PARG: variants seen among roughly 807,000 people sequenced by gnomAD.
The protein encoded by PARG is mitochondrial poly(ADP-ribose) glycohydrolase.
Under a neutral mutation model 113.0 loss-of-function variants are expected in PARG, and 35 were observed. The observed-to-expected ratio is 0.31, with a 90% CI of 0.24 to 0.41. The LOEUF is 0.41. Among genes scored for constraint, PARG ranks in the 10% least tolerant of loss-of-function variants. The probability of loss-of-function intolerance (pLI) is 1.00; values close to 1 mark genes in which losing one functional copy is unlikely to be tolerated. For synonymous variants in PARG, 330 were observed against 409.9 expected, an observed-to-expected ratio of 0.81 and a Z score of 2.36; for missense variants, 797 against 1,169.4, an observed-to-expected ratio of 0.68 and a Z score of 4.64.
intron 7 of PARG, among the ~76,000 whole-genome samples, chr10:49,912,737 C>T (rs1837267932): frequency 6.6e-6 from 1 of 152,058 alleles, no homozygotes. Context: ...GGCTGAGGAG[C>T]GAAGATTGCT....
intron 9 of PARG, among the ~76,000 whole-genome samples, chr10:49,877,064 TAAC>T (rs1285192597): frequency 6.7e-6 from 1 of 149,608 alleles, no homozygotes; most frequent in Admixed American, 6.7e-5. Flanking sequence ...CCATATATAA[TAAC>T]AAATTATCAT....
chr10:49,908,202 C>T (rs1836963757), intron 7 of PARG, among the ~76,000 whole-genome samples: 1 of 152,114 alleles, frequency 6.6e-6, no homozygotes, highest in South Asian at 2.1e-4. Flanking sequence ...AGCAAAGTGC[C>T]TAGTTCCAAT....
intron 6 of PARG, 83 bp from the exon 7 acceptor site, chr10:49,916,074 T>G (rs1837457096): frequency 5.4e-6 from 4 of 744,430 alleles, no homozygotes; most frequent in Non-Finnish European, 9.7e-6. Context: ...ATGAATTACC[T>G]CCAGTACATT....
At chr10:49,931,350 A>G (rs1838469553) in intron 4 of PARG, among the ~76,000 whole-genome samples, 1 of 152,074 alleles carries the variant, frequency 6.6e-6, no homozygotes, top group Admixed American at 6.5e-5. Flanking sequence ...TAGCCACAAG[A>G]TTAGAAATTA....
intron 5 of PARG, 48 bp downstream of exon 5, chr10:49,922,499 T>G (rs782631771): frequency 9.9e-6 from 16 of 1,610,300 alleles, no homozygotes; most frequent in Non-Finnish European, 8.5e-7. Flanking sequence ...AACAAGCAAG[T>G]ACCAAACCAT....
intron 13 of PARG, among the ~76,000 whole-genome samples, chr10:49,848,156 G>A (rs1272541421): frequency 6.8e-5 from 10 of 148,098 alleles, no homozygotes; most frequent in Non-Finnish European, 1.3e-4. Flanking sequence ...CGAGACCATC[G>A]TGGCCAACGT....
At chr10:49,939,707 T>C (rs1838925087) in intron 1 of PARG, among the ~76,000 whole-genome samples, 1 of 152,234 alleles carries the variant, frequency 6.6e-6, no homozygotes, top group Non-Finnish European at 1.5e-5. Flanking sequence ...TGTCATCTTA[T>C]GCTCCAGTCT....
At chr10:49,831,445 A>T (rs1229776116) in intron 16 of PARG, among the ~76,000 whole-genome samples, 1 of 152,148 alleles carries the variant, frequency 6.6e-6, no homozygotes, top group African/African-American at 2.4e-5. Flanking sequence ...CTGGTGTGCC[A>T]TCTTGGGTTC....
intron 13 of PARG, among the ~76,000 whole-genome samples, chr10:49,846,757 TG>T (rs1845531147): frequency 6.6e-6 from 1 of 151,498 alleles, no homozygotes; most frequent in Non-Finnish European, 1.5e-5. Context: ...TGTGTGTGTG[TG>T]TGTGTGTGTG....
chr10:49,916,130 A>G (rs1445337623), intron 6 of PARG, 139 bp from the exon 7 acceptor site: 9 of 672,512 alleles, frequency 1.3e-5, no homozygotes, highest in Non-Finnish European at 2.5e-5. Flanking sequence ...TGCTACTGAT[A>G]TGGACATCAG....
At chr10:49,831,210 T>C (rs1231952052) in intron 16 of PARG, among the ~76,000 whole-genome samples, 6 of 146,828 alleles carry the variant, frequency 4.1e-5, no homozygotes, top group Non-Finnish European at 9.1e-5. Flanking sequence ...ATATACTTCA[T>C]GGTATTTTTC....
chr10:49,869,866 C>G (rs1291882113), intron 9 of PARG, among the ~76,000 whole-genome samples: 2 of 151,752 alleles, frequency 1.3e-5, no homozygotes, highest in Non-Finnish European at 2.9e-5. Context: ...GTCAGTCAGT[C>G]AGTGCACAGC....
At chr10:49,880,444 G>C (rs1211118610) in intron 8 of PARG, among the ~76,000 whole-genome samples, 2 of 152,088 alleles carry the variant, frequency 1.3e-5, no homozygotes, top group African/African-American at 4.8e-5. Flanking sequence ...AACATTCCAA[G>C]TCAAGGAAGA....
chr10:49,823,126 A>C (rs1244825933), intron 16 of PARG, among the ~76,000 whole-genome samples: 5 of 152,140 alleles, frequency 3.3e-5, no homozygotes, highest in African/African-American at 1.2e-4. Context: ...TGTTTATATA[A>C]GATAATATTT....
At chr10:49,868,026 C>T (rs2132572894) in intron 10 of PARG, among the ~76,000 whole-genome samples, 1 of 152,224 alleles carries the variant, frequency 6.6e-6, no homozygotes, top group South Asian at 2.1e-4. Flanking sequence ...CTTGCTCTGT[C>T]GCCCAGGCTA....
At chr10:49,895,138 G>A (rs1848013983) in intron 7 of PARG, among the ~76,000 whole-genome samples, 1 of 152,106 alleles carries the variant, frequency 6.6e-6, no homozygotes, top group African/African-American at 2.4e-5. Context: ...TGTATTTCCA[G>A]ATAAAGCCAC....
At chr10:49,900,723 A>T (rs1425016540) in intron 7 of PARG, among the ~76,000 whole-genome samples, 3 of 152,142 alleles carry the variant, frequency 2.0e-5, no homozygotes, top group Admixed American at 6.6e-5. Flanking sequence ...CTTAGGAAAT[A>T]AACCCACACT....
Position 49,922,573 on chromosome 10 carries a change from G to T in PARG, c.1552C>A (p.Gln518Lys). 6.2e-7 allele frequency: 1 copy of T among 1,610,920 alleles called. No individual in the cohort carries two copies. The highest frequency in any genetic ancestry group is 2.2e-5 in the East Asian group (1 of 44,866). Residue 518 changes from glutamine to lysine, a missense_variant, in exon 5 of 18, where the codon CAA (glutamine) becomes AAA (lysine). Physicochemically the swap from Gln to Lys is moderately conservative, Grantham distance 53. Coordinates refer to ENST00000616448, the MANE Select transcript of PARG (RefSeq NM_003631.5). ...TCATCTTCCACTGGGTACAAATTTT[G>T]TTCTGAACAAGGCATTTTAACATGC... ...NKHVKMPCSEQNLYPVEDENG... is the reference protein window; with the variant it reads ...NKHVKMPCSEKNLYPVEDENG...
chr10:49,833,017 A>AT (rs550663040), intron 15 of PARG, 109 bp from the exon 16 acceptor site: 9,592 of 461,300 alleles, frequency 0.021, no homozygotes, highest in South Asian at 0.032. Flanking sequence ...TCAATTTCTC[A>AT]TTTTTTTTTT....
Sources: gnomAD v4.1 joint callset for allele counts (sites outside exome capture counted in the v4.1 genomes callset) on GRCh38, gnomAD v4.1.1 for gene constraint, MANE v1.5 for transcripts, NCBI Gene and HGNC (gene_info 2026-07-23, HGNC 2026-07-21) for gene names.